Variants in IMMP2L observed in about 807,000 individuals in gnomAD.
The protein encoded by IMMP2L is mitochondrial inner membrane protease subunit 2.
IMMP2L carries 18 observed loss-of-function variants against 19.3 expected under a neutral mutation model. The ratio of observed to expected loss-of-function variants is 0.93; its 90% CI spans 0.64 to 1.38. The LOEUF (loss-of-function observed/expected upper bound fraction) is 1.38. Ranked by LOEUF, IMMP2L falls within the 40% of genes most tolerant of loss-of-function variation. The pLI is 0.00. For synonymous variants in IMMP2L, 76 were observed against 73.0 expected, an observed-to-expected ratio of 1.04 and a Z score of -0.21; for missense variants, 233 against 218.2, an observed-to-expected ratio of 1.07 and a Z score of -0.43.
At chr7:110,784,450 T>C (rs1423968218) in intron 5 of IMMP2L, among the ~76,000 whole-genome samples, 1 of 151,950 alleles carries the variant, frequency 6.6e-6, no homozygotes, top group Non-Finnish European at 1.5e-5. Context: ...CATCTTCATC[T>C]ACCATGAAGC....
At chr7:111,224,311 C>G (rs757253188) in intron 3 of IMMP2L, among the ~76,000 whole-genome samples, 13 of 151,976 alleles carry the variant, frequency 8.6e-5, no homozygotes, top group Non-Finnish European at 1.5e-5. Flanking sequence ...TTCTTTGAAA[C>G]AAATAGATTA....
chr7:111,475,422 A>T (rs1457086449), intron 3 of IMMP2L, among the ~76,000 whole-genome samples: 1 of 151,822 alleles, frequency 6.6e-6, no homozygotes, highest in Middle Eastern at 3.2e-3. Context: ...TTTTTTTTCT[A>T]AAAGGAAAAG....
chr7:111,109,004 TG>T (rs1459987508), intron 3 of IMMP2L, among the ~76,000 whole-genome samples: 1 of 152,182 alleles, frequency 6.6e-6, no homozygotes, highest in Non-Finnish European at 1.5e-5. Flanking sequence ...GTGGAGATGA[TG>T]GGAAGTAAGC....
At chr7:111,230,782 G>A (rs1329062873) in intron 3 of IMMP2L, among the ~76,000 whole-genome samples, 4 of 151,980 alleles carry the variant, frequency 2.6e-5, no homozygotes, top group Non-Finnish European at 2.9e-5. Flanking sequence ...ACTAATGAGT[G>A]TGCAATTACA....
rs60697579 is a variant in IMMP2L at position 111,551,495 on chromosome 7, GGTGTGTGT to G, written c.-3+10348_-3+10355del. Among the ~76,000 whole-genome samples, 270 of 145,350 alleles carry G rather than the reference GGTGTGTGT, an allele frequency of 1.9e-3. 1 individual carries two copies. The highest frequency in any genetic ancestry group is 6.0e-3 in the African/African-American group (236 of 39,410). ...AGGTATGTTAGGTATGACTGTTAGA[GGTGTGTGT>G]GTGTGTGTGTGTGTGTGTGTGTGTG... On this transcript the variant is annotated intron_variant, in intron 1 of 5. Transcript: ENST00000405709.
At chr7:111,129,619 G>A (rs762507511) in intron 3 of IMMP2L, among the ~76,000 whole-genome samples, 14 of 151,950 alleles carry the variant, frequency 9.2e-5, no homozygotes, top group South Asian at 2.1e-4. Context: ...GAACTACAGC[G>A]TTGTACTGGA....
chr7:110,990,456 ATG>A (rs1822338813), intron 3 of IMMP2L, among the ~76,000 whole-genome samples: 1 of 152,168 alleles, frequency 6.6e-6, no homozygotes, highest in African/African-American at 2.4e-5. Context: ...ATTCTTCTAA[ATG>A]TTTAATCTTA....
intron 2 of IMMP2L, among the ~76,000 whole-genome samples, chr7:111,514,869 C>A (rs1020803736): frequency 6.6e-6 from 1 of 151,944 alleles, no homozygotes; most frequent in Non-Finnish European, 1.5e-5. Context: ...TTTAACATAA[C>A]AGCAGTAAAT....
intron 5 of IMMP2L, among the ~76,000 whole-genome samples, chr7:110,805,903 A>G (rs1213624411): frequency 6.6e-6 from 1 of 151,990 alleles, no homozygotes. Context: ...CAATTTATAC[A>G]AGGTAGAAAA....
intron 3 of IMMP2L, among the ~76,000 whole-genome samples, chr7:110,975,010 G>A (rs1014922632): frequency 5.9e-5 from 9 of 151,996 alleles, no homozygotes; most frequent in African/African-American, 2.2e-4. Flanking sequence ...TGATAAATAT[G>A]TAGTTAATTC....
At chr7:111,332,143 G>A (rs1244642173) in intron 3 of IMMP2L, among the ~76,000 whole-genome samples, 1 of 151,554 alleles carries the variant, frequency 6.6e-6, no homozygotes, top group East Asian at 1.9e-4. Context: ...GATGTTAAAA[G>A]GTCATAATGT....
intron 3 of IMMP2L, among the ~76,000 whole-genome samples, chr7:111,020,929 A>C (rs1826212726): frequency 6.6e-6 from 1 of 152,252 alleles, no homozygotes; most frequent in South Asian, 2.1e-4. Flanking sequence ...ATCTAAAAAA[A>C]GTGTGTCATG....
intron 3 of IMMP2L, among the ~76,000 whole-genome samples, chr7:111,281,461 T>C (rs140626554): frequency 8.7e-4 from 132 of 152,292 alleles, no homozygotes; most frequent in African/African-American, 3.0e-3. Context: ...TTAGGTTACA[T>C]GGAAGACTTC....
chr7:111,349,167 A>G (rs1827881775), intron 3 of IMMP2L, among the ~76,000 whole-genome samples: 1 of 152,188 alleles, frequency 6.6e-6, no homozygotes, highest in African/African-American at 2.4e-5. Flanking sequence ...AATTACCAGA[A>G]TCAGAACATA....
intron 5 of IMMP2L, among the ~76,000 whole-genome samples, chr7:110,671,356 A>G (rs1054954748): frequency 4.6e-5 from 7 of 152,224 alleles, no homozygotes; most frequent in African/African-American, 1.7e-4. Flanking sequence ...TTTTAGATAC[A>G]AATAGAAGTT....
At chr7:111,221,311 T>G (rs1379540558) in intron 3 of IMMP2L, among the ~76,000 whole-genome samples, 2 of 152,100 alleles carry the variant, frequency 1.3e-5, no homozygotes, top group Admixed American at 6.6e-5. Context: ...ACAAGACTAC[T>G]TGAAAAATTT....
intron 5 of IMMP2L, chr7:110,665,111 G>T (rs73207023): frequency 6.6e-6 from 1 of 152,064 alleles, no homozygotes; most frequent in Non-Finnish European, 1.5e-5. Context: ...ATTCACGAAG[G>T]GTAGCAAGAA....
chr7:111,037,901 A>T (rs1791505676), intron 3 of IMMP2L, among the ~76,000 whole-genome samples: 1 of 152,130 alleles, frequency 6.6e-6, no homozygotes, highest in Non-Finnish European at 1.5e-5. Context: ...GACAGTTTTA[A>T]ATGTACTGTA....
At chr7:111,206,157 C>A (rs1810684213) in intron 3 of IMMP2L, among the ~76,000 whole-genome samples, 1 of 152,176 alleles carries the variant, frequency 6.6e-6, no homozygotes, top group South Asian at 2.1e-4. Flanking sequence ...TTTAAAGAAT[C>A]TATAACCTCC....
Sources: allele counts gnomAD v4.1 joint callset (sites outside exome capture counted in the v4.1 genomes callset), GRCh38; gene constraint gnomAD v4.1.1; transcripts MANE v1.5; gene names NCBI Gene and HGNC (gene_info 2026-07-23, HGNC 2026-07-21).